Variants in PMFBP1 observed in about 807,000 individuals in gnomAD.
PMFBP1 encodes the protein polyamine modulated factor 1 binding protein 1.
In PMFBP1, 131 loss-of-function variants were observed where a neutral mutation model predicts 137.8. The observed-to-expected ratio is 0.95, with a 90% CI of 0.82 to 1.10. PMFBP1 has a LOEUF of 1.10. Among genes scored for constraint, PMFBP1 ranks in the 50% least tolerant of loss-of-function variants. PMFBP1 has a pLI of 0.00. For synonymous variants in PMFBP1, 490 were observed against 450.4 expected (o/e 1.09, Z -1.11); for missense variants, 1,199 against 1,175.4 (o/e 1.02, Z -0.29).
chr16:72,210,501 C>A, the PMFBP1 span, among the ~76,000 whole-genome samples: 1 of 152,146 alleles, frequency 6.6e-6, no homozygotes, highest in Non-Finnish European at 1.5e-5. Context: ...TCCCCAGAAC[C>A]CAAACTTCAC....
the PMFBP1 span, among the ~76,000 whole-genome samples, chr16:72,238,032 T>TTG: frequency 6.6e-6 from 1 of 152,248 alleles, no homozygotes; most frequent in Non-Finnish European, 1.5e-5. Context: ...CACATTTTGT[T>TTG]TATCCAGTCT....
At chr16:72,212,947 C>A in the PMFBP1 span, among the ~76,000 whole-genome samples, 1 of 152,164 alleles carries the variant, frequency 6.6e-6, no homozygotes, top group Non-Finnish European at 1.5e-5. Context: ...TAATTTTTAG[C>A]CTTGAATTTT....
intron 10 of PMFBP1, among the ~76,000 whole-genome samples, chr16:72,131,849 C>T (rs986170110): frequency 1.3e-5 from 2 of 152,064 alleles, no homozygotes; most frequent in African/African-American, 2.4e-5. Context: ...TTAGCCCCTC[C>T]ACCCCACTTT....
At chr16:72,234,573 G>A in the PMFBP1 span, among the ~76,000 whole-genome samples, 1 of 152,136 alleles carries the variant, frequency 6.6e-6, no homozygotes, top group Admixed American at 6.5e-5. Context: ...ACCCTCTTAC[G>A]AATAATTATA....
At chr16:72,194,148 A>G in the PMFBP1 span, among the ~76,000 whole-genome samples, 1 of 152,146 alleles carries the variant, frequency 6.6e-6, no homozygotes. Context: ...TGATTTACAT[A>G]TTGTACCATG....
the PMFBP1 span, among the ~76,000 whole-genome samples, chr16:72,222,104 G>T: frequency 3.5e-4 from 54 of 152,226 alleles, no homozygotes; most frequent in African/African-American, 1.3e-3. Context: ...AAGTGGCAGA[G>T]TTGGGGTTGC....
chr16:72,158,523 G>A (rs1326894646), intron 3 of PMFBP1, among the ~76,000 whole-genome samples: 4 of 152,082 alleles, frequency 2.6e-5, no homozygotes, highest in Admixed American at 2.6e-4. Flanking sequence ...CACAGATAGA[G>A]GGGCTTCTGA....
At chr16:72,154,130 C>T (rs1487509112) in intron 4 of PMFBP1, 81 bp downstream of exon 4, 26 of 1,536,034 alleles carry the variant, frequency 1.7e-5, no homozygotes, top group East Asian at 2.3e-5. Context: ...CTAAGTCCAG[C>T]GTCTGCTTTC....
upstream of PMFBP1, among the ~76,000 whole-genome samples, chr16:72,173,501 T>C (rs2043239343): frequency 6.6e-6 from 1 of 152,238 alleles, no homozygotes; most frequent in African/African-American, 2.4e-5. Flanking sequence ...GCATAGGTTC[T>C]AACATTTGCA....
At chr16:72,203,169 C>A in the PMFBP1 span, among the ~76,000 whole-genome samples, 1 of 152,340 alleles carries the variant, frequency 6.6e-6, no homozygotes, top group Non-Finnish European at 1.5e-5. Flanking sequence ...TTATAAATGG[C>A]ACCCAGTCTC....
chr16:72,141,339 T>C (rs1389422804), intron 5 of PMFBP1, among the ~76,000 whole-genome samples: 2 of 152,220 alleles, frequency 1.3e-5, no homozygotes, highest in African/African-American at 4.8e-5. Flanking sequence ...CTTACTCCTC[T>C]TTTAAAATTA....
the PMFBP1 span, among the ~76,000 whole-genome samples, chr16:72,196,237 T>G: frequency 1.3e-5 from 2 of 152,130 alleles, no homozygotes; most frequent in African/African-American, 4.8e-5. Context: ...ATACGAATGG[T>G]ACCAACACCA....
At chr16:72,126,166 C>T in intron 14 of PMFBP1, 34 bp from the exon 15 acceptor site, 1 of 1,609,200 alleles carries the variant, frequency 6.2e-7, no homozygotes. Context: ...GTCAGGGTGC[C>T]AGGTCAGGGT....
At chr16:72,124,289 G>C (rs2042420221) in intron 17 of PMFBP1, among the ~76,000 whole-genome samples, 1 of 152,198 alleles carries the variant, frequency 6.6e-6, no homozygotes, top group African/African-American at 2.4e-5. Context: ...GGGACTGCAG[G>C]CATGAGCCAC....
In PMFBP1 at chr16:72,150,121, C is replaced by G. The variant is rs577726262; in HGVS notation, c.636+487G>C. Among the ~76,000 whole-genome samples, 6 of 152,318 alleles carry G rather than the reference C, an allele frequency of 3.9e-5. No individual in the cohort carries two copies. In the South Asian group the frequency reaches 1.2e-3, roughly 32 times the overall value. On this transcript the variant is annotated intron_variant, in intron 5 of 20. Transcript: ENST00000237353. ...TTCCCATGTTTCACAGCTTTTTCCT[C>G]CTATTTGATCCTGAAGTTGTGGTTT...
At chr16:72,230,710 T>C in the PMFBP1 span, among the ~76,000 whole-genome samples, 1 of 152,192 alleles carries the variant, frequency 6.6e-6, no homozygotes, top group Non-Finnish European at 1.5e-5. Flanking sequence ...CAAATCCTGA[T>C]GTTCTAACAC....
At chr16:72,140,995 CA>C (rs1338902232) in intron 5 of PMFBP1, among the ~76,000 whole-genome samples, 1 of 123,706 alleles carries the variant, frequency 8.1e-6, no homozygotes, top group Non-Finnish European at 1.6e-5. Flanking sequence ...AGTGCAGTGG[CA>C]CTATCCTGGT....
At chr16:72,199,319 CAGTCCTCAGAA>C in the PMFBP1 span, among the ~76,000 whole-genome samples, 51 of 152,200 alleles carry the variant, frequency 3.4e-4, 1 homozygote, top group East Asian at 9.3e-3. Context: ...ATGCAGAGCC[CAGTCCTCAGAA>C]AGTCTATGTT....
At chr16:72,214,457 G>C in the PMFBP1 span, among the ~76,000 whole-genome samples, 1 of 152,198 alleles carries the variant, frequency 6.6e-6, no homozygotes, top group Non-Finnish European at 1.5e-5. Flanking sequence ...TTACAGGCGT[G>C]AGCCACTGCG....
Sources: gnomAD v4.1 joint callset for allele counts (sites outside exome capture counted in the v4.1 genomes callset) on GRCh38, gnomAD v4.1.1 for gene constraint, MANE v1.5 for transcripts, NCBI Gene and HGNC (gene_info 2026-07-23, HGNC 2026-07-21) for gene names.